Variants in PRCP observed in about 807,000 individuals in gnomAD.
PRCP encodes prolylcarboxypeptidase, also known as lysosomal Pro-X carboxypeptidase.
A neutral mutation model predicts 54.2 loss-of-function variants in PRCP; 46 were observed. That is an observed-to-expected ratio of 0.85 (90% CI 0.67 to 1.09). PRCP has a LOEUF of 1.09. PRCP is among the 50% of genes least tolerant of loss of function. PRCP has a pLI of 0.00. For synonymous variants in PRCP, 240 were observed against 212.2 expected, an observed-to-expected ratio of 1.13 and a Z score of -1.14; for missense variants, 613 against 596.8, an observed-to-expected ratio of 1.03 and a Z score of -0.28.
At chr11:82,888,716 A>G (rs575421117) in intron 1 of PRCP, among the ~76,000 whole-genome samples, 4 of 152,354 alleles carry the variant, frequency 2.6e-5, no homozygotes, top group African/African-American at 4.8e-5. Flanking sequence ...GTCTGTCTTT[A>G]TCTGACATTC....
intron 1 of PRCP, among the ~76,000 whole-genome samples, chr11:82,882,560 A>G (rs958786272): frequency 2.1e-5 from 3 of 145,078 alleles, no homozygotes; most frequent in African/African-American, 8.2e-5. Context: ...CAGTGGCGCA[A>G]TCTCGGCTCA....
At chr11:82,860,765 T>C (rs188107504) in intron 1 of PRCP, among the ~76,000 whole-genome samples, 9 of 152,124 alleles carry the variant, frequency 5.9e-5, no homozygotes, top group African/African-American at 1.9e-4. Context: ...CAGCACACCA[T>C]AGATATTCTA....
chr11:82,861,917 G>A (rs1468734290), intron 1 of PRCP, among the ~76,000 whole-genome samples: 1 of 152,080 alleles, frequency 6.6e-6, no homozygotes, highest in Non-Finnish European at 1.5e-5. Flanking sequence ...TACAGGTTGA[G>A]CATCCCTAAT....
chr11:82,890,282 C>T (rs1177491730), intron 1 of PRCP, among the ~76,000 whole-genome samples: 1 of 152,194 alleles, frequency 6.6e-6, no homozygotes, highest in Non-Finnish European at 1.5e-5. Flanking sequence ...CTTTCTCACT[C>T]TCAGCTGATG....
chr11:82,873,103 T>A (rs1290345537), intron 1 of PRCP, among the ~76,000 whole-genome samples: 1 of 150,328 alleles, frequency 6.7e-6, no homozygotes, highest in East Asian at 1.9e-4. Context: ...GTAAGAAGAA[T>A]AAGTAGAAGG....
chr11:82,880,826 C>T (rs897182581), intron 1 of PRCP, among the ~76,000 whole-genome samples: 23 of 136,860 alleles, frequency 1.7e-4, no homozygotes, highest in African/African-American at 5.9e-4. Flanking sequence ...TCCCATCTGC[C>T]CTTATGGAGG....
chr11:82,850,321 T>C lies in PRCP; in HGVS notation c.593+3A>G. ...CGTTCATGTCCAGTACAAATGCACTTACCCAACTACCATATGAGGATATTT... is the reference window on the plus strand; with the variant it reads ...CGTTCATGTCCAGTACAAATGCACTCACCCAACTACCATATGAGGATATTT... On this transcript the variant is annotated splice_donor_region_variant and intron_variant, in intron 4 of 8. Transcript: ENST00000313010. 1 of 1,517,656 alleles carries C rather than the reference T, an allele frequency of 6.6e-7. No homozygotes were observed. The highest frequency in any genetic ancestry group is 2.1e-5 in the Admixed American group (1 of 46,966). The allele number at this position is 1,517,656 out of a possible 1,614,324, so 94.0% of individuals were successfully genotyped here. A position where few individuals can be genotyped will look rare whatever the true frequency, so the allele number is the denominator to read the frequency against.
rs753020994 is a variant in PRCP at position 82,900,354 on chromosome 11, A to G, written c.49T>C (p.Trp17Arg). 4.3e-6 allele frequency: 7 copies of G among 1,613,936 alleles called. No individual in the cohort carries two copies. The highest frequency in any genetic ancestry group is 5.9e-6 in the Non-Finnish European group (7 of 1,179,946). ...LLLLLSFLAP[W>R]ATIALRPALR... ...GCCGGCCGGAGGGCTATGGTGGCCCAGGGCGCCAGAAAAGACAGAAGCAGG... is the reference window on the plus strand; with the variant it reads ...GCCGGCCGGAGGGCTATGGTGGCCCGGGGCGCCAGAAAAGACAGAAGCAGG... Residue 17 changes from tryptophan to arginine, a missense_variant, in exon 1 of 9, where the codon TGG becomes CGG. Coordinates refer to ENST00000313010, the MANE Select transcript of PRCP (RefSeq NM_005040.4).
chr11:82,848,570 A>G (rs1170338412), intron 6 of PRCP, among the ~76,000 whole-genome samples: 1 of 152,216 alleles, frequency 6.6e-6, no homozygotes, highest in African/African-American at 2.4e-5. Context: ...ACTGTGCTGC[A>G]TGGGGTCACT....
intron 8 of PRCP, chr11:82,831,162 G>C (rs539133753): frequency 6.6e-6 from 1 of 151,336 alleles, no homozygotes; most frequent in African/African-American, 2.4e-5. Context: ...ATTTGCCTGA[G>C]AAATTATGTT....
At chr11:82,882,376 T>C (rs555209318) in intron 1 of PRCP, among the ~76,000 whole-genome samples, 25 of 152,342 alleles carry the variant, frequency 1.6e-4, no homozygotes, top group African/African-American at 5.8e-4. Context: ...GTTAAACCTG[T>C]TTTGGACACC....
chr11:82,875,074 T>C (rs1291923156), intron 1 of PRCP, among the ~76,000 whole-genome samples: 2 of 151,854 alleles, frequency 1.3e-5, no homozygotes, highest in Non-Finnish European at 2.9e-5. Context: ...GAACACACCA[T>C]GTGTGTTATT....
At chr11:82,843,699 C>T (rs557995412) in intron 6 of PRCP, among the ~76,000 whole-genome samples, 18 of 152,340 alleles carry the variant, frequency 1.2e-4, no homozygotes, top group Admixed American at 3.3e-4. Flanking sequence ...CATTCCTACA[C>T]ATACTGTAAA....
At chr11:82,893,032 CACTACAAAGCCAAT>C (rs1860039488) in intron 1 of PRCP, among the ~76,000 whole-genome samples, 1 of 152,186 alleles carries the variant, frequency 6.6e-6, no homozygotes, top group African/African-American at 2.4e-5. Flanking sequence ...TCTGTCTAGG[CACTACAAAGCCAAT>C]ACTTTTTGTC....
chr11:82,869,337 C>T (rs1591061362), intron 1 of PRCP, among the ~76,000 whole-genome samples: 1 of 125,686 alleles, frequency 8.0e-6, no homozygotes, highest in Non-Finnish European at 1.6e-5. Flanking sequence ...GCCTGGGCGA[C>T]AGAGTGAGAC....
chr11:82,876,926 T>C (rs936155014), intron 1 of PRCP, among the ~76,000 whole-genome samples: 7 of 152,018 alleles, frequency 4.6e-5, no homozygotes, highest in East Asian at 1.9e-4. Context: ...GAGAATAAGA[T>C]AGGAAAATGT....
At chr11:82,836,860 TG>T in intron 8 of PRCP, 1 of 390,574 alleles carries the variant, frequency 2.6e-6, no homozygotes, top group Non-Finnish European at 5.1e-6. Flanking sequence ...CTTGCATTTT[TG>T]TTGGCTGAAT....
chr11:82,881,967 A>G (rs545813568), intron 1 of PRCP, among the ~76,000 whole-genome samples: 3 of 152,382 alleles, frequency 2.0e-5, no homozygotes, highest in South Asian at 4.1e-4. Flanking sequence ...CATATTTTGT[A>G]TATGTATTAT....
chr11:82,865,357 C>T (rs997222354), intron 1 of PRCP, among the ~76,000 whole-genome samples: 2 of 152,118 alleles, frequency 1.3e-5, no homozygotes, highest in Admixed American at 6.5e-5. Context: ...AAATGAAGGA[C>T]AAATCTCCCA....
Sources: allele counts gnomAD v4.1 joint callset (sites outside exome capture counted in the v4.1 genomes callset), GRCh38; gene constraint gnomAD v4.1.1; transcripts MANE v1.5; gene names NCBI Gene and HGNC (gene_info 2026-07-23, HGNC 2026-07-21).